FCHO1: variants seen among roughly 807,000 people sequenced by gnomAD.
FCHO1 encodes the protein F-BAR domain only protein 1.
Under a neutral mutation model 114.4 loss-of-function variants are expected in FCHO1, and 45 were observed. The observed-to-expected ratio is 0.39, with a 90% CI of 0.31 to 0.50. The LOEUF (loss-of-function observed/expected upper bound fraction) is 0.50, where lower values mean the gene tolerates loss of function less well. Among genes scored for constraint, FCHO1 ranks in the 20% least tolerant of loss-of-function variants. FCHO1 has a pLI of 0.77. For missense variants in FCHO1, 1,042 were observed against 1,209.6 expected (o/e 0.86, Z 2.06); for synonymous variants, 480 against 488.9 (o/e 0.98, Z 0.24).
At chr19:17,759,077 G>A (rs910122863) in intron 4 of FCHO1, among the ~76,000 whole-genome samples, 9 of 152,048 alleles carry the variant, frequency 5.9e-5, no homozygotes, top group African/African-American at 1.9e-4. Flanking sequence ...TGGAAAACCC[G>A]CCAAATGCTG....
intron 5 of FCHO1, among the ~76,000 whole-genome samples, chr19:17,763,974 T>G (rs982569429): frequency 2.6e-5 from 4 of 152,040 alleles, no homozygotes; most frequent in Non-Finnish European, 2.9e-5. Flanking sequence ...ACTGCTAAGG[T>G]GTTTGAGATG....
chr19:17,774,232 G>A lies in FCHO1; in HGVS notation c.791-7G>A, dbSNP rs2092284086. The A allele has an allele frequency of 6.2e-7, 1 of 1,613,988 alleles. No homozygotes were observed. Among genetic ancestry groups the A allele is most frequent in the Non-Finnish European group, 8.5e-7 (1 of 1,179,986 alleles). On this transcript the variant is annotated splice_polypyrimidine_tract_variant and splice_region_variant and intron_variant, in intron 11 of 28. Transcript: ENST00000596536. ...CCCCTCAATTGAGTTTCCGTCTCCTGTCTCAGGACCTCTGGACTTCGAGGC... is the reference window on the plus strand; with the variant it reads ...CCCCTCAATTGAGTTTCCGTCTCCTATCTCAGGACCTCTGGACTTCGAGGC...
intron 13 of FCHO1, 146 bp downstream of exon 13, chr19:17,774,624 C>T: frequency 1.5e-6 from 1 of 645,620 alleles, no homozygotes. Flanking sequence ...TGAGCTAGAC[C>T]AGGAGTACCT....
At chr19:17,779,930 G>A (rs1242048416) in intron 20 of FCHO1, among the ~76,000 whole-genome samples, 1 of 151,988 alleles carries the variant, frequency 6.6e-6, no homozygotes, top group Non-Finnish European at 1.5e-5. Flanking sequence ...AGAGGGGTTG[G>A]AGACAGGAGG....
rs149422647 is a variant in FCHO1, at chr19:17,770,500, C to T, written c.412C>T (p.Arg138Cys). The T allele has an allele frequency of 1.5e-5, 24 of 1,613,946 alleles. No individual in the cohort carries two copies. The highest frequency in any genetic ancestry group is 2.7e-5 in the African/African-American group (2 of 75,058). The stretch of plus-strand genomic sequence containing the variant: ...CGTCAGCCAGCTCCTGCCCAAGTCC[C>T]GCGAGAACTACCTGAACCGTTGCAT... ...SGVSQLLPKS[R>C]ENYLNRCMDQ... is the part of the protein sequence containing the mutation. Residue 138 changes from arginine (R) to cysteine (C), a missense_variant, in exon 8 of 29, where the codon CGC becomes TGC. Transcript: ENST00000596536.
At chr19:17,774,767 C>T (rs2092377228) in intron 13 of FCHO1, 2 of 583,680 alleles carry the variant, frequency 3.4e-6, no homozygotes, top group Non-Finnish European at 6.1e-6. Context: ...CAGGATTGTT[C>T]TGTTTGCCAA....
chr19:17,786,659 T>A, intron 27 of FCHO1, 30 bp downstream of exon 27: 2 of 243,778 alleles, frequency 8.2e-6, no homozygotes, highest in Non-Finnish European at 1.7e-5. Context: ...GAGGGCTGGG[T>A]GGGAGGGACT....
chr19:17,778,722 C>T lies in FCHO1; in HGVS notation c.1465C>T (p.Pro489Ser). 1.3e-6 allele frequency: 2 copies of T among 1,544,214 alleles called. No individual in the cohort carries two copies. The highest frequency in any genetic ancestry group is 1.7e-6 in the Non-Finnish European group (2 of 1,149,604). Residue 489 changes from proline (P) to serine (S), a missense_variant, in exon 20 of 29, where the codon CCA becomes TCA. Physicochemically the swap from Pro to Ser is moderately conservative, Grantham distance 74. Transcript: ENST00000596536. Reference sequence around the variant, plus strand: ...GTCCCACGCGGCACCTGGCCCCTCCCCAGATTCCTGGGTCCCCCGCCCAGG... The same window carrying T: ...GTCCCACGCGGCACCTGGCCCCTCCTCAGATTCCTGGGTCCCCCGCCCAGG... ...SPSHAAPGPSPDSWVPRPGTP... is the reference protein window; with the variant it reads ...SPSHAAPGPSSDSWVPRPGTP...
chr19:17,772,664 A>G lies in FCHO1; in HGVS notation c.713A>G (p.Gln238Arg). The change falls in exon 11 of 29, where the codon CAG becomes CGG. Residue 238 changes from glutamine to arginine, a missense_variant. Gln to Arg is a conservative substitution (Grantham distance 43, BLOSUM62 1). Transcript: ENST00000596536. Reference sequence around the variant, plus strand: ...GCACAGGTGCATGAGGAATTTAAGCAGAACATCGAGAACGTCAGCGTGGAG... The same window carrying G: ...GCACAGGTGCATGAGGAATTTAAGCGGAACATCGAGAACGTCAGCGTGGAG... ...QIGQVHEEFK[Q>R]NIENVSVEML... is the part of the protein sequence containing the mutation. The G allele has an allele frequency of 1.2e-6, 2 of 1,614,152 alleles. No individual in the cohort carries two copies. The highest frequency in any genetic ancestry group is 2.2e-5 in the South Asian group (2 of 91,082).
chr19:17,788,238 G>A lies in FCHO1; in HGVS notation c.2648-46G>A, dbSNP rs200153841. ...GGGTCAGAGCCGGGGAACCCCTCCC[G>A]TACCCCTCCTCCCCACCCCTCCCCC... is the stretch of plus-strand genomic sequence containing the variant. On this transcript the variant is annotated intron_variant, in intron 28 of 28. Transcript: ENST00000596536. The A allele has an allele frequency of 2.5e-4, 172 of 691,422 alleles. 1 individual carries two copies. The East Asian group carries it at 4.1e-3, about 17-fold the overall frequency. The allele number at this position is 691,422 out of a possible 1,614,324, so 42.8% of individuals were successfully genotyped here.
intron 19 of FCHO1, 178 bp from the exon 20 acceptor site, chr19:17,778,431 T>A: frequency 1.2e-6 from 1 of 812,214 alleles, no homozygotes; most frequent in South Asian, 1.7e-5. Flanking sequence ...ACTGAGTGGA[T>A]GGGCCGGACA....
At position 17,784,844 on chromosome 19, in the gene FCHO1, C is replaced by A; in HGVS notation, c.2346C>A (p.Pro782=). ...ACCGGCCCGGTGCCACGGCTGTGCCCACACCACTCACGAACGTCCAGATCC... is the reference window on the plus strand; with the variant it reads ...ACCGGCCCGGTGCCACGGCTGTGCCAACACCACTCACGAACGTCCAGATCC... ...YGYRPGATAV[P]TPLTNVQILL... Residue 782 remains proline, a synonymous_variant, in exon 26 of 29, where the codon CCC becomes CCA. Transcript: ENST00000596536. The surrounding 1 kb of genome is among the most constrained non-coding windows in gnomAD (Gnocchi z 5.3). The A allele has an allele frequency of 1.9e-6, 3 of 1,613,922 alleles. No individual in the cohort carries two copies. The South Asian group carries it at 3.3e-5, about 18-fold the overall frequency.
At chr19:17,760,442 T>C (rs2085665098) in intron 4 of FCHO1, among the ~76,000 whole-genome samples, 1 of 152,176 alleles carries the variant, frequency 6.6e-6, no homozygotes, top group Non-Finnish European at 1.5e-5. Context: ...ATATAGTTGT[T>C]GCCTCATTTT....
Position 17,769,178 on chromosome 19 carries a change from G to C in FCHO1, c.337-1247G>C, listed in dbSNP as rs184011423. Among the ~76,000 whole-genome samples, 389 of 151,306 alleles carry C rather than the reference G, an allele frequency of 2.6e-3. 1 individual carries two copies. The highest frequency in any genetic ancestry group is 2.8e-3 in the Non-Finnish European group (192 of 67,926). On this transcript the variant is annotated intron_variant, in intron 7 of 28. Coordinates refer to ENST00000596536, the MANE Select transcript of FCHO1 (RefSeq NM_015122.3). ...TAATCCCAGCTACTTGGGAGGCTGA[G>C]GCAGGAGAATCGCTTAAACCCGGGA...
chr19:17,750,606 A>G (rs1449998059), upstream of FCHO1, among the ~76,000 whole-genome samples: 3 of 144,370 alleles, frequency 2.1e-5, no homozygotes, highest in African/African-American at 7.7e-5. Context: ...TTACAGGCAT[A>G]TGCCACCCCA....
At chr19:17,763,052 C>T (rs182161911) in intron 5 of FCHO1, among the ~76,000 whole-genome samples, 199 bp downstream of exon 5, 1 of 152,194 alleles carries the variant, frequency 6.6e-6, no homozygotes, top group Non-Finnish European at 1.5e-5. Flanking sequence ...CACCTGATTT[C>T]GAAAGCTCCC....
At chr19:17,778,374 C>T (rs2092918608) in intron 19 of FCHO1, 146 bp downstream of exon 19, 6 of 624,460 alleles carry the variant, frequency 9.6e-6, no homozygotes, top group Non-Finnish European at 1.4e-5. Flanking sequence ...CCAGAGTGCG[C>T]GTGGGAGGGG....
At position 17,788,467 on chromosome 19, in the gene FCHO1, C is replaced by T; in HGVS notation, c.*161C>T. On this transcript the variant is annotated 3_prime_UTR_variant, in exon 29 of 29. Transcript: ENST00000596536. ...CCAGCCTGGCTGAGCCCGAGATTCG[C>T]TCCTCCCCCTCATGCCAACCCCACA... The T allele has an allele frequency of 1.7e-6, 1 of 596,542 alleles. No individual in the cohort carries two copies. Among genetic ancestry groups the T allele is most frequent in the Non-Finnish European group, 3.0e-6 (1 of 330,960 alleles). The allele number at this position is 596,542 out of a possible 1,614,324, so 37.0% of individuals were successfully genotyped here.
chr19:17,775,073 A>C lies in FCHO1; in HGVS notation c.938A>C (p.Asp313Ala). 1.2e-6 allele frequency: 2 copies of C among 1,613,256 alleles called. No homozygotes were observed. The highest frequency in any genetic ancestry group is 1.7e-6 in the Non-Finnish European group (2 of 1,179,666). Residue 313 changes from aspartate to alanine, a missense_variant, in exon 14 of 29, where the codon GAT (aspartate) becomes GCT (alanine). By Grantham distance (126) the Asp-to-Ala change is moderately radical. Around this residue, in one of 3 missense-constraint regions of FCHO1, gnomAD observed 450 missense variants for 564.1 expected, o/e 0.80. Transcript: ENST00000596536. The surrounding 1 kb of genome is among the most constrained non-coding windows in gnomAD (Gnocchi z 5.1). Reference sequence around the variant, plus strand: ...ATCCCCAGAGATTTCCTGGAGCCCGATTCAGGGGTGAGTGATGTGGGAGGG... The same window carrying C: ...ATCCCCAGAGATTTCCTGGAGCCCGCTTCAGGGGTGAGTGATGTGGGAGGG... ...PPAAVDFLEP[D>A]SGTCPEVDEE...
Sources: allele counts gnomAD v4.1 joint callset (sites outside exome capture counted in the v4.1 genomes callset), GRCh38; gene constraint gnomAD v4.1.1; regional missense constraint gnomAD v4.1.1; non-coding constraint Gnocchi (gnomAD v3.1); transcripts MANE v1.5; gene names NCBI Gene and HGNC (gene_info 2026-07-23, HGNC 2026-07-21).